Variants in GRIN3A observed in about 807,000 individuals in gnomAD.
The protein encoded by GRIN3A is glutamate receptor ionotropic, NMDA 3A.
Under a neutral mutation model 92.4 loss-of-function variants are expected in GRIN3A, and 47 were observed. The observed-to-expected ratio is 0.51, with a 90% CI of 0.40 to 0.65. The LOEUF (loss-of-function observed/expected upper bound fraction) is 0.65, where lower values mean the gene tolerates loss of function less well. GRIN3A is among the 30% of genes least tolerant of loss of function. GRIN3A has a pLI of 0.00. For synonymous variants in GRIN3A, 527 were observed against 540.6 expected (o/e 0.97, Z 0.35); for missense variants, 1,324 against 1,393.1 (o/e 0.95, Z 0.79).
At chr9:101,582,672 A>G (rs1827903201) in intron 6 of GRIN3A, among the ~76,000 whole-genome samples, 1 of 152,228 alleles carries the variant, frequency 6.6e-6, no homozygotes, top group South Asian at 2.1e-4. Context: ...TGAAGGATTC[A>G]GTGAGTTATT....
At chr9:101,662,617 C>G (rs1452831472) in intron 3 of GRIN3A, among the ~76,000 whole-genome samples, 1 of 151,464 alleles carries the variant, frequency 6.6e-6, no homozygotes, top group Non-Finnish European at 1.5e-5. Flanking sequence ...TGTAAATATA[C>G]TAATATATGT....
rs573483387 is a variant in GRIN3A at position 101,635,936 on chromosome 9, G to C, written c.2353-7535C>G. On this transcript the variant is annotated intron_variant, in intron 3 of 8. Transcript: ENST00000361820. ...GATGGAGTCTCACTCTGTCGCCCAG[G>C]CTGGAGTGCACGATCTCAGCTCAGT... Among the ~76,000 whole-genome samples the C allele has an allele frequency of 1.4e-3, 211 of 152,284 alleles. 1 individual carries two copies. The highest frequency in any genetic ancestry group is 5.0e-3 in the African/African-American group (207 of 41,562).
chr9:101,682,926 G>C (rs1237223328), intron 2 of GRIN3A, among the ~76,000 whole-genome samples: 1 of 152,234 alleles, frequency 6.6e-6, no homozygotes, highest in Non-Finnish European at 1.5e-5. Flanking sequence ...AGCTTGCAGT[G>C]AGCCGAGATT....
rs1402016826 is a variant in GRIN3A, at chr9:101,737,352, C to T, written c.628G>A (p.Asp210Asn). ...PQSQGEMMEL[D>N]LVSLVLHIPV... is the part of the protein sequence containing the mutation. The stretch of plus-strand genomic sequence containing the variant: ...ATGTGCAGGACTAAGCTGACCAAGT[C>T]GAGCTCCATCATTTCGCCCTGGCTC... Residue 210 changes from aspartate (D) to asparagine (N), a missense_variant, in exon 1 of 9, where the codon GAC becomes AAC. Asp to Asn is a conservative substitution (Grantham distance 23). Coordinates refer to ENST00000361820, the MANE Select transcript of GRIN3A (RefSeq NM_133445.3). 2 of 1,614,196 alleles carry T rather than the reference C, an allele frequency of 1.2e-6. No individual in the cohort carries two copies. The highest frequency in any genetic ancestry group is 1.1e-5 in the South Asian group (1 of 91,080).
At chr9:101,731,484 G>A (rs1415644) in intron 1 of GRIN3A, among the ~76,000 whole-genome samples, 31,473 of 152,084 alleles carry the variant, frequency 0.21, 3,340 homozygotes, top group Admixed American at 0.24. Flanking sequence ...AATGAATAAC[G>A]ATGAGGTGTA....
chr9:101,731,856 TATCAGC>T (rs1398536140), intron 1 of GRIN3A, among the ~76,000 whole-genome samples: 2 of 152,152 alleles, frequency 1.3e-5, no homozygotes, highest in Non-Finnish European at 2.9e-5. Context: ...ATAGAGAAAA[TATCAGC>T]AAAAGACAAC....
intron 1 of GRIN3A, among the ~76,000 whole-genome samples, chr9:101,734,962 A>G (rs749566991): frequency 2.2e-4 from 34 of 151,652 alleles, no homozygotes; most frequent in Admixed American, 1.2e-3. Context: ...ATCCTTTTAT[A>G]TATAGAAAGT....
intron 3 of GRIN3A, among the ~76,000 whole-genome samples, chr9:101,655,504 C>A (rs112194107): frequency 3.2e-4 from 49 of 152,036 alleles, no homozygotes; most frequent in African/African-American, 1.2e-3. Context: ...AAATGCTGAG[C>A]AAAGCTTTGA....
At chr9:101,680,450 T>C (rs1459324793) in intron 2 of GRIN3A, among the ~76,000 whole-genome samples, 3 of 152,210 alleles carry the variant, frequency 2.0e-5, no homozygotes, top group East Asian at 1.9e-4. Flanking sequence ...CCAGTGAGTA[T>C]TGATATTGCT....
rs201182224 is a variant in GRIN3A at position 101,579,146 on chromosome 9, A to G, written c.2931+50T>C. 7.1e-4 allele frequency: 1,136 copies of G among 1,589,182 alleles called. 1 individual carries two copies. Among genetic ancestry groups the G allele is most frequent in the Non-Finnish European group, 8.9e-4 (1,031 of 1,159,334 alleles). ...TAGGGCTCTGGATCCTCCCATCCCTAGGAATTGTACAGTTTAAGAATATTG... is the reference window on the plus strand; with the variant it reads ...TAGGGCTCTGGATCCTCCCATCCCTGGGAATTGTACAGTTTAAGAATATTG... On this transcript the variant is annotated intron_variant, in intron 7 of 8. Coordinates refer to ENST00000361820, the MANE Select transcript of GRIN3A (RefSeq NM_133445.3).
At position 101,691,964 on chromosome 9, in the gene GRIN3A, A is replaced by T. The variant is rs1453919775; in HGVS notation, c.700-4764T>A. ...TCCTAACTTATGGATTCATTTTGAGAATTAAATGTAAGAATGTGAGAATGC... is the reference window on the plus strand; with the variant it reads ...TCCTAACTTATGGATTCATTTTGAGTATTAAATGTAAGAATGTGAGAATGC... On this transcript the variant is annotated intron_variant, in intron 1 of 8. Coordinates refer to ENST00000361820, the MANE Select transcript of GRIN3A (RefSeq NM_133445.3). Among the ~76,000 whole-genome samples, 6 of 152,276 alleles carry T rather than the reference A, an allele frequency of 3.9e-5. No homozygotes were observed. In the East Asian group the frequency reaches 1.2e-3, roughly 29 times the overall value.
chr9:101,733,062 A>G (rs1830160121), intron 1 of GRIN3A, among the ~76,000 whole-genome samples: 1 of 152,218 alleles, frequency 6.6e-6, no homozygotes, highest in African/African-American at 2.4e-5. Context: ...ATCTAATGGT[A>G]CAAAATCCAT....
rs1830251256 is a variant in GRIN3A, at chr9:101,738,631, G to T, written c.-652C>A. ...AGTCGCCACCGCCGCTTGCTTCCTC[G>T]GAGGAGCAACGCGACTGGCCAGCAA... On this transcript the variant is annotated 5_prime_UTR_variant, in exon 1 of 9. Coordinates refer to ENST00000361820, the MANE Select transcript of GRIN3A (RefSeq NM_133445.3). 1 of 153,662 alleles carries T rather than the reference G, an allele frequency of 6.5e-6. No individual in the cohort carries two copies. The highest frequency in any genetic ancestry group is 2.4e-5 in the African/African-American group (1 of 41,430). The allele number at this position is 153,662 out of a possible 1,614,324, so 9.5% of individuals were successfully genotyped here.
chr9:101,685,344 G>T, intron 2 of GRIN3A, among the ~76,000 whole-genome samples: 2 of 130,114 alleles, frequency 1.5e-5, no homozygotes, highest in African/African-American at 2.8e-5. Context: ...GAGTCTCGCT[G>T]TGTTGCCCAT....
At position 101,737,442 on chromosome 9, in the gene GRIN3A, A is replaced by G; in HGVS notation, c.538T>C (p.Phe180Leu). 6.2e-7 allele frequency: 1 copy of G among 1,614,284 alleles called. No individual in the cohort carries two copies. The highest frequency in any genetic ancestry group is 8.5e-7 in the Non-Finnish European group (1 of 1,180,050). Reference protein sequence around the residue: ...SSPWSSDPFSFLQSVCHTVVV... With the variant: ...SSPWSSDPFSLLQSVCHTVVV... ...ACGGTATGGCACACACTTTGCAGGA[A>G]GGAGAAAGGGTCACTGCTCCATGGC... Residue 180 changes from phenylalanine (F) to leucine (L), a missense_variant, in exon 1 of 9, where the codon TTC (phenylalanine) becomes CTC (leucine). By Grantham distance (22) the Phe-to-Leu change is conservative. Transcript: ENST00000361820.
At chr9:101,671,474 A>C (rs910316355) in intron 2 of GRIN3A, among the ~76,000 whole-genome samples, 1 of 152,190 alleles carries the variant, frequency 6.6e-6, no homozygotes, top group African/African-American at 2.4e-5. Context: ...CAGCATCTTT[A>C]ACATATCCTA....
intron 2 of GRIN3A, among the ~76,000 whole-genome samples, chr9:101,671,485 T>A (rs1444131112): frequency 6.6e-6 from 1 of 152,208 alleles, no homozygotes; most frequent in South Asian, 2.1e-4. Context: ...ACATATCCTA[T>A]TTCTATTGTT....
chr9:101,625,598 C>T (rs1002977494), intron 4 of GRIN3A, among the ~76,000 whole-genome samples: 2 of 152,154 alleles, frequency 1.3e-5, no homozygotes, highest in Non-Finnish European at 2.9e-5. Context: ...AAAGGGGTAT[C>T]AGATTTAAGT....
chr9:101,669,211 T>C (rs528071910), intron 3 of GRIN3A, among the ~76,000 whole-genome samples: 1 of 152,180 alleles, frequency 6.6e-6, no homozygotes, highest in East Asian at 1.9e-4. Context: ...TCCTTGACAG[T>C]CCCCTCTCTC....
Sources: gnomAD v4.1 joint callset for allele counts (sites outside exome capture counted in the v4.1 genomes callset) on GRCh38, gnomAD v4.1.1 for gene constraint, MANE v1.5 for transcripts, NCBI Gene and HGNC (gene_info 2026-07-23, HGNC 2026-07-21) for gene names.